DYNC2H1: variants seen among roughly 807,000 people sequenced by gnomAD.
DYNC2H1 encodes dynein cytoplasmic 2 heavy chain 1.
Under a neutral mutation model 570.0 loss-of-function variants are expected in DYNC2H1, and 410 were observed. The observed-to-expected ratio is 0.72, with a 90% CI of 0.66 to 0.78. DYNC2H1 has a LOEUF of 0.78. DYNC2H1 is among the 30% of genes least tolerant of loss of function. The pLI is 0.00. For synonymous variants in DYNC2H1, 1,688 were observed against 1,677.6 expected (o/e 1.01, Z -0.15); for missense variants, 4,865 against 5,046.4 (o/e 0.96, Z 1.09).
intron 84 of DYNC2H1, among the ~76,000 whole-genome samples, chr11:103,428,311 C>T (rs1187110345): frequency 2.2e-5 from 3 of 135,882 alleles, no homozygotes; most frequent in Non-Finnish European, 4.7e-5. Context: ...CTACCATGGT[C>T]TATATCATGC....
At chr11:103,401,409 G>T (rs1007837860) in intron 84 of DYNC2H1, among the ~76,000 whole-genome samples, 2 of 152,154 alleles carry the variant, frequency 1.3e-5, no homozygotes, top group African/African-American at 4.8e-5. Context: ...GAAGAGAAGA[G>T]TAAGTCTAGT....
rs1051548258 is a variant in DYNC2H1, at chr11:103,299,675, G to A, written c.11096-3418G>A. The stretch of plus-strand genomic sequence containing the variant: ...TGACTCTAACAAGAGAAACTGCTCC[G>A]CTTTCAAGGGGTCAATTGATTAGCT... On this transcript the variant is annotated intron_variant, in intron 75 of 88. Transcript: ENST00000375735. The surrounding 1 kb of genome is among the most constrained non-coding windows in gnomAD (Gnocchi z 4.5). Among the ~76,000 whole-genome samples, 5 of 152,082 alleles carry A rather than the reference G, an allele frequency of 3.3e-5. No individual in the cohort carries two copies. The highest frequency in any genetic ancestry group is 2.1e-4 in the South Asian group (1 of 4,822).
chr11:103,333,409 A>G (rs952896898), intron 82 of DYNC2H1, among the ~76,000 whole-genome samples: 13 of 152,162 alleles, frequency 8.5e-5, no homozygotes, highest in Admixed American at 7.9e-4. Flanking sequence ...GACTACAGGT[A>G]CCCACCACTT....
rs1938446434 is a variant in DYNC2H1, at chr11:103,325,956, G to A, written c.12039+1966G>A. On this transcript the variant is annotated intron_variant, in intron 82 of 88. Coordinates refer to ENST00000375735, the MANE Select transcript of DYNC2H1 (RefSeq NM_001377.3). This position sits in a 1 kb window ranked among gnomAD's most constrained non-coding sequence, Gnocchi z 4.8. ...TTTTTCTCTGATTCTCATCTGGTGGGGCTGGCGTTCCTTTAACTCTGATGC... is the reference window on the plus strand; with the variant it reads ...TTTTTCTCTGATTCTCATCTGGTGGAGCTGGCGTTCCTTTAACTCTGATGC... Among the ~76,000 whole-genome samples the A allele has an allele frequency of 6.6e-6, 1 of 152,066 alleles. No individual in the cohort carries two copies. The highest frequency in any genetic ancestry group is 2.4e-5 in the African/African-American group (1 of 41,396).
At chr11:103,356,305 TTTTTA>T (rs1459326683) in intron 82 of DYNC2H1, among the ~76,000 whole-genome samples, 4 of 152,174 alleles carry the variant, frequency 2.6e-5, no homozygotes, top group Admixed American at 6.5e-5. Flanking sequence ...AATAAAAATG[TTTTTA>T]TTTTATGTTT....
intron 84 of DYNC2H1, among the ~76,000 whole-genome samples, chr11:103,432,754 A>G (rs1943937827): frequency 6.6e-6 from 1 of 152,176 alleles, no homozygotes; most frequent in South Asian, 2.1e-4. Flanking sequence ...AATTCTAACA[A>G]TGTAAAAACT....
At position 103,145,061 on chromosome 11, in the gene DYNC2H1, T is replaced by C. The variant is rs1209112681; in HGVS notation, c.2702+1666T>C. ...ACGCCTGGCTAATTTTTTGTATTTT[T>C]AGTAGAGGTGGGGTTTATTATGTTG... On this transcript the variant is annotated intron_variant, in intron 18 of 88. Transcript: ENST00000375735. The surrounding 1 kb of genome is among the most constrained non-coding windows in gnomAD (Gnocchi z 4.2). Among the ~76,000 whole-genome samples, 4 of 151,940 alleles carry C rather than the reference T, an allele frequency of 2.6e-5. No homozygotes were observed.
At chr11:103,276,436 A>C (rs984103898) in intron 70 of DYNC2H1, among the ~76,000 whole-genome samples, 11 of 152,094 alleles carry the variant, frequency 7.2e-5, no homozygotes, top group Admixed American at 6.6e-4. Context: ...AGCTATATAA[A>C]TTATCTGTTA....
At chr11:103,304,538 A>G in intron 76 of DYNC2H1, 57 bp from the exon 77 acceptor site, 4 of 1,566,616 alleles carry the variant, frequency 2.6e-6, no homozygotes, top group Non-Finnish European at 3.5e-6. Flanking sequence ...ATACTGTTAT[A>G]TTACAACATG....
chr11:103,202,606 G>A (rs1187332458), intron 50 of DYNC2H1, among the ~76,000 whole-genome samples: 1 of 151,768 alleles, frequency 6.6e-6, no homozygotes, highest in East Asian at 1.9e-4. Context: ...ATGTGTTCAA[G>A]TATGTACAAG....
rs2135387806 is a variant in DYNC2H1, at chr11:103,299,380, C to A, written c.11096-3713C>A. ...TTAAACAATGCCCAGTTATCATCTT[C>A]TGCAGGTCAGAAACCTGATGGGCTC... On this transcript the variant is annotated intron_variant, in intron 75 of 88. Coordinates refer to ENST00000375735, the MANE Select transcript of DYNC2H1 (RefSeq NM_001377.3). This position sits in a 1 kb window ranked among gnomAD's most constrained non-coding sequence, Gnocchi z 4.5. Among the ~76,000 whole-genome samples the A allele has an allele frequency of 6.6e-6, 1 of 152,280 alleles. No homozygotes were observed. Among genetic ancestry groups the A allele is most frequent in the East Asian group, 1.9e-4 (1 of 5,190 alleles).
chr11:103,289,801 C>A lies in DYNC2H1; in HGVS notation c.11095+2196C>A, dbSNP rs1489476873. On this transcript the variant is annotated intron_variant, in intron 75 of 88. Coordinates refer to ENST00000375735, the MANE Select transcript of DYNC2H1 (RefSeq NM_001377.3). The surrounding 1 kb of genome is among the most constrained non-coding windows in gnomAD (Gnocchi z 4.2). The stretch of plus-strand genomic sequence containing the variant: ...AATGATTCTCTTTGTTGGATATAAC[C>A]CATATATAATGTTGAATTAAATTTG... Among the ~76,000 whole-genome samples the A allele has an allele frequency of 1.3e-5, 2 of 152,018 alleles. No individual in the cohort carries two copies. Among genetic ancestry groups the A allele is most frequent in the Non-Finnish European group, 2.9e-5 (2 of 68,004 alleles).
At chr11:103,158,015 G>A (rs964374176) in intron 26 of DYNC2H1, among the ~76,000 whole-genome samples, 1 of 151,762 alleles carries the variant, frequency 6.6e-6, no homozygotes, top group African/African-American at 2.4e-5. Flanking sequence ...CTAGGTTATG[G>A]GTTGCCCTGT....
intron 70 of DYNC2H1, among the ~76,000 whole-genome samples, chr11:103,263,170 A>G (rs1393155885): frequency 6.6e-6 from 1 of 152,186 alleles, no homozygotes; most frequent in Non-Finnish European, 1.5e-5. Context: ...TGCTAAATAT[A>G]TATGCGCCCA....
chr11:103,465,668 T>C lies in DYNC2H1; in HGVS notation c.12649-2921T>C, dbSNP rs543432777. Among the ~76,000 whole-genome samples, 3 of 152,298 alleles carry C rather than the reference T, an allele frequency of 2.0e-5. No homozygotes were observed. The highest frequency in any genetic ancestry group is 4.1e-4 in the South Asian group (2 of 4,828). On this transcript the variant is annotated intron_variant, in intron 87 of 88. Coordinates refer to ENST00000375735, the MANE Select transcript of DYNC2H1 (RefSeq NM_001377.3). The surrounding 1 kb of genome is among the most constrained non-coding windows in gnomAD (Gnocchi z 4.9). ...TCCATGCTGGCCTCATTCATATATA[T>C]GGCAACTGGTGCTAGCTCAGTCCTT...
At chr11:103,387,934 T>C (rs1423011658) in intron 83 of DYNC2H1, among the ~76,000 whole-genome samples, 2 of 152,164 alleles carry the variant, frequency 1.3e-5, no homozygotes, top group Non-Finnish European at 2.9e-5. Flanking sequence ...AGTCAGGTAG[T>C]GTGATGCCTC....
At chr11:103,139,532 A>T (rs1402548034) in intron 17 of DYNC2H1, among the ~76,000 whole-genome samples, 4 of 151,824 alleles carry the variant, frequency 2.6e-5, no homozygotes, top group African/African-American at 9.7e-5. Context: ...GTTTTGAGTG[A>T]GTTTCTTAAT....
At chr11:103,327,807 T>A (rs1366297088) in intron 82 of DYNC2H1, among the ~76,000 whole-genome samples, 1 of 152,202 alleles carries the variant, frequency 6.6e-6, no homozygotes, top group Non-Finnish European at 1.5e-5. Context: ...ACTGCGAAGC[T>A]GTAGCCTTAG....
intron 75 of DYNC2H1, among the ~76,000 whole-genome samples, chr11:103,294,152 G>C (rs987680203): frequency 6.6e-6 from 1 of 152,172 alleles, no homozygotes; most frequent in Non-Finnish European, 1.5e-5. Flanking sequence ...CAAGACAGCT[G>C]TTTTGAATTT....
Sources: gnomAD v4.1 joint callset for allele counts (sites outside exome capture counted in the v4.1 genomes callset) on GRCh38, gnomAD v4.1.1 for gene constraint, Gnocchi (gnomAD v3.1) non-coding constraint, MANE v1.5 for transcripts, NCBI Gene and HGNC (gene_info 2026-07-23, HGNC 2026-07-21) for gene names.